ADCY2: variants seen among roughly 807,000 people sequenced by gnomAD.
The protein encoded by ADCY2 is adenylate cyclase 2, also known as adenylate cyclase type 2.
In ADCY2, 31 loss-of-function variants were observed where a neutral mutation model predicts 125.2. The observed-to-expected ratio is 0.25, with a 90% CI of 0.19 to 0.33. The LOEUF is 0.33. Ranked by LOEUF, ADCY2 falls within the 10% of genes least tolerant of loss-of-function variation. The probability of loss-of-function intolerance (pLI) is 1.00; values close to 1 mark genes in which losing one functional copy is unlikely to be tolerated. For missense variants in ADCY2, 904 were observed against 1,418.2 expected (o/e 0.64, Z 5.82); for synonymous variants, 512 against 548.4 (o/e 0.93, Z 0.93).
intron 9 of ADCY2, 153 bp downstream of exon 9, chr5:7,707,991 T>C (rs1741313883): frequency 2.5e-6 from 2 of 793,920 alleles, no homozygotes; most frequent in Middle Eastern, 3.2e-4. Flanking sequence ...TTACAGAAGA[T>C]GTTTTGTAAT....
At chr5:7,398,302 A>G (rs978315561) in intron 1 of ADCY2, among the ~76,000 whole-genome samples, 1 of 152,210 alleles carries the variant, frequency 6.6e-6, no homozygotes, top group Non-Finnish European at 1.5e-5. Context: ...CCTCATTGAT[A>G]GAGATTCTTG....
At position 7,768,176 on chromosome 5, in the gene ADCY2, T is replaced by C. The variant is rs543965872; in HGVS notation, c.2214+1370T>C. Among the ~76,000 whole-genome samples, 236 of 152,348 alleles carry C rather than the reference T, an allele frequency of 1.5e-3. 1 individual carries two copies. Among genetic ancestry groups the C allele is most frequent in the Non-Finnish European group, 2.0e-3 (135 of 68,032 alleles). On this transcript the variant is annotated intron_variant, in intron 17 of 24. Transcript: ENST00000338316. ...AGGGGGGTGCTATAGGTTCATCCCCTACCCAGAAGATCCTGCGCTTCAAAT... is the reference window on the plus strand; with the variant it reads ...AGGGGGGTGCTATAGGTTCATCCCCCACCCAGAAGATCCTGCGCTTCAAAT...
chr5:7,544,614 C>T (rs1296274973), intron 3 of ADCY2, among the ~76,000 whole-genome samples: 2 of 152,288 alleles, frequency 1.3e-5, no homozygotes, highest in East Asian at 1.9e-4. Flanking sequence ...TGGAAGGCAG[C>T]ATCCACAGGT....
chr5:7,804,459 G>A (rs1333468652), intron 21 of ADCY2, 126 bp from the exon 22 acceptor site: 12 of 746,062 alleles, frequency 1.6e-5, no homozygotes, highest in Admixed American at 8.0e-5. Flanking sequence ...GCCCAAGGGT[G>A]CATACGCAGT....
intron 3 of ADCY2, among the ~76,000 whole-genome samples, chr5:7,583,047 A>G (rs942393547): frequency 6.6e-6 from 1 of 152,122 alleles, no homozygotes; most frequent in African/African-American, 2.4e-5. Flanking sequence ...TGTTTTATAT[A>G]CTGGTAGGAA....
At chr5:7,659,771 G>A (rs1421503695) in intron 4 of ADCY2, among the ~76,000 whole-genome samples, 1 of 152,214 alleles carries the variant, frequency 6.6e-6, no homozygotes, top group Admixed American at 6.5e-5. Flanking sequence ...ACTCGACTTT[G>A]CATTTAGAAC....
At chr5:7,474,930 C>G (rs564970981) in intron 2 of ADCY2, among the ~76,000 whole-genome samples, 1 of 152,348 alleles carries the variant, frequency 6.6e-6, no homozygotes, top group Non-Finnish European at 1.5e-5. Flanking sequence ...CAATGGGCAG[C>G]TGTTACCAGC....
intron 4 of ADCY2, among the ~76,000 whole-genome samples, chr5:7,646,659 A>T (rs186127038): frequency 6.6e-6 from 1 of 152,290 alleles, no homozygotes; most frequent in East Asian, 1.9e-4. Context: ...AATAGTGCTT[A>T]TTACATTTAA....
intron 2 of ADCY2, among the ~76,000 whole-genome samples, chr5:7,471,728 A>G (rs1742345636): frequency 6.6e-6 from 1 of 151,666 alleles, no homozygotes; most frequent in African/African-American, 2.4e-5. Flanking sequence ...TCTGCTGGTG[A>G]TAAGTTCTAT....
intron 3 of ADCY2, among the ~76,000 whole-genome samples, chr5:7,593,480 TTC>T (rs1211892549): frequency 3.9e-5 from 6 of 152,130 alleles, no homozygotes; most frequent in Non-Finnish European, 8.8e-5. Flanking sequence ...GCGTATTCAT[TTC>T]TCTCCTCCTG....
chr5:7,724,646 C>T (rs200234865), intron 13 of ADCY2, 32 bp downstream of exon 13: 50 of 1,457,358 alleles, frequency 3.4e-5, no homozygotes, highest in Non-Finnish European at 4.4e-5. Flanking sequence ...AATCATCAAT[C>T]GAGTTTTCTG....
At chr5:7,687,807 A>G (rs1176872103) in intron 4 of ADCY2, among the ~76,000 whole-genome samples, 3 of 152,200 alleles carry the variant, frequency 2.0e-5, no homozygotes, top group Non-Finnish European at 4.4e-5. Flanking sequence ...TCATGTAAAC[A>G]CTGGGAAAGT....
intron 12 of ADCY2, 40 bp downstream of exon 12, chr5:7,717,277 T>G (rs781701779): frequency 6.8e-7 from 1 of 1,466,644 alleles, no homozygotes; most frequent in Non-Finnish European, 9.5e-7. Flanking sequence ...TCATCTTTTA[T>G]TATGTTCCAG....
chr5:7,721,974 C>A (rs563426453), intron 12 of ADCY2, among the ~76,000 whole-genome samples: 1 of 152,260 alleles, frequency 6.6e-6, no homozygotes, highest in Admixed American at 6.5e-5. Context: ...GGAGTGGAGG[C>A]CACCTCAGAA....
chr5:7,718,329 C>T (rs4585409), intron 12 of ADCY2, among the ~76,000 whole-genome samples: 150,469 of 151,822 alleles, frequency 0.99, 74,575 homozygotes, highest in Middle Eastern at 1. Flanking sequence ...TTTGTATTTT[C>T]AGTAGAGACA....
At chr5:7,649,407 T>A (rs1322207499) in intron 4 of ADCY2, among the ~76,000 whole-genome samples, 3 of 152,262 alleles carry the variant, frequency 2.0e-5, no homozygotes, top group Non-Finnish European at 4.4e-5. Flanking sequence ...CTGGAGGATC[T>A]AAACAGCTCT....
chr5:7,404,330 GT>G (rs1439390162), intron 1 of ADCY2, among the ~76,000 whole-genome samples: 5 of 151,968 alleles, frequency 3.3e-5, no homozygotes, highest in Non-Finnish European at 5.9e-5. Flanking sequence ...TTTTGTGTGT[GT>G]TTTTATCTTT....
chr5:7,519,719 G>T (rs1354611527), intron 2 of ADCY2, among the ~76,000 whole-genome samples: 1 of 152,136 alleles, frequency 6.6e-6, no homozygotes, highest in Admixed American at 6.5e-5. Flanking sequence ...CATTTCCAAT[G>T]TTGTGCAACC....
At chr5:7,754,170 A>G (rs994266057) in intron 15 of ADCY2, among the ~76,000 whole-genome samples, 3 of 152,306 alleles carry the variant, frequency 2.0e-5, no homozygotes, top group Admixed American at 2.0e-4. Context: ...ATTCCTGCAT[A>G]TCTGCCCGGG....
Sources: allele counts gnomAD v4.1 joint callset (sites outside exome capture counted in the v4.1 genomes callset), GRCh38; gene constraint gnomAD v4.1.1; transcripts MANE v1.5; gene names NCBI Gene and HGNC (gene_info 2026-07-23, HGNC 2026-07-21).